The following SUPT16H variants were observed in gnomAD, a reference collection of about 807,000 sequenced individuals.
SUPT16H encodes the protein FACT complex subunit SPT16.
In SUPT16H, 24 loss-of-function variants were observed where a neutral mutation model predicts 136.2. That is an observed-to-expected ratio of 0.18 (90% CI 0.13 to 0.25). The LOEUF (loss-of-function observed/expected upper bound fraction) is 0.25, where lower values mean the gene tolerates loss of function less well. SUPT16H is among the 10% of genes least tolerant of loss of function. SUPT16H has a pLI of 1.00. For missense variants in SUPT16H, 623 were observed against 1,270.2 expected, an observed-to-expected ratio of 0.49 and a Z score of 7.74; for synonymous variants, 415 against 428.2, an observed-to-expected ratio of 0.97 and a Z score of 0.38.
chr14:21,368,565 A>C, intron 6 of SUPT16H, 124 bp from the exon 7 acceptor site: 2 of 1,111,524 alleles, frequency 1.8e-6, no homozygotes, highest in Non-Finnish European at 2.4e-6. Flanking sequence ...TGGCTGAATA[A>C]GGACCTAAAC....
intron 1 of SUPT16H, among the ~76,000 whole-genome samples, chr14:21,375,262 C>CA (rs1054553750): frequency 1.3e-5 from 2 of 151,678 alleles, no homozygotes; most frequent in African/African-American, 2.4e-5. Flanking sequence ...GATCCGCCCC[C>CA]ACTTGGCCTC....
intron 22 of SUPT16H, among the ~76,000 whole-genome samples, chr14:21,355,828 TA>T (rs1255544582): frequency 1.8e-4 from 28 of 152,290 alleles, no homozygotes. Context: ...ACCACTGGCA[TA>T]AATCCACTTT....
chr14:21,377,516 T>C (rs1419550807), intron 1 of SUPT16H, among the ~76,000 whole-genome samples: 1 of 151,894 alleles, frequency 6.6e-6, no homozygotes, highest in Non-Finnish European at 1.5e-5. Flanking sequence ...TAACCAAAAG[T>C]GAGGGCAAAC....
At chr14:21,374,674 G>GCTGAATAT (rs1886863016) in intron 1 of SUPT16H, among the ~76,000 whole-genome samples, 1 of 152,052 alleles carries the variant, frequency 6.6e-6, no homozygotes, top group African/African-American at 2.4e-5. Context: ...CCCTTTTACT[G>GCTGAATAT]CTGAATATTT....
At chr14:21,383,250 C>CGTTTT (rs954479781) in intron 1 of SUPT16H, 3 of 214,142 alleles carry the variant, frequency 1.4e-5, no homozygotes, top group African/African-American at 2.3e-5. Context: ...TTTTAGGCAT[C>CGTTTT]GTTTTGTTTT....
At chr14:21,355,322 G>A (rs972702567) in intron 22 of SUPT16H, among the ~76,000 whole-genome samples, 1 of 151,700 alleles carries the variant, frequency 6.6e-6, no homozygotes, top group African/African-American at 2.4e-5. Flanking sequence ...GTGAAACCCC[G>A]TCCTACTAAA....
chr14:21,358,501 C>T (rs1486733825), intron 19 of SUPT16H, 74 bp from the exon 20 acceptor site: 12 of 1,031,642 alleles, frequency 1.2e-5, no homozygotes, highest in Non-Finnish European at 1.7e-5. Flanking sequence ...GTCTGAAGTG[C>T]TTTTGTGCTT....
chr14:21,371,511 A>C (rs1886784970), intron 3 of SUPT16H, among the ~76,000 whole-genome samples: 1 of 152,242 alleles, frequency 6.6e-6, no homozygotes, highest in Non-Finnish European at 1.5e-5. Flanking sequence ...GGGCAGTATG[A>C]CAAAAAAAAT....
intron 7 of SUPT16H, among the ~76,000 whole-genome samples, chr14:21,367,495 G>T (rs1886697266): frequency 6.6e-6 from 1 of 152,108 alleles, no homozygotes; most frequent in Non-Finnish European, 1.5e-5. Context: ...GCCTCAGAGG[G>T]ATCTTTATCT....
chr14:21,374,692 T>C (rs1886863275), intron 1 of SUPT16H, among the ~76,000 whole-genome samples: 1 of 152,244 alleles, frequency 6.6e-6, no homozygotes, highest in African/African-American at 2.4e-5. Context: ...TTTCATTGTG[T>C]AGATATACCA....
chr14:21,359,436 C>T lies in SUPT16H; in HGVS notation c.2301+48G>A, dbSNP rs374579944. The T allele has an allele frequency of 2.2e-5, 35 of 1,596,260 alleles. No individual in the cohort carries two copies. The East Asian group carries it at 2.7e-4, about 12-fold the overall frequency. ...TACAATCCCTGAGCTTGGATTTGGC[C>T]TCATCCTCCCTCACTATCCTGCAAA... On this transcript the variant is annotated intron_variant, in intron 19 of 25. Coordinates refer to ENST00000216297, the MANE Select transcript of SUPT16H (RefSeq NM_007192.4).
At chr14:21,363,825 C>T (rs1057307438) in intron 10 of SUPT16H, among the ~76,000 whole-genome samples, 5 of 152,006 alleles carry the variant, frequency 3.3e-5, no homozygotes, top group East Asian at 3.9e-4. Flanking sequence ...ATTACAGACG[C>T]GCACCACCAC....
At chr14:21,362,492 CA>C (rs1886577327) in intron 14 of SUPT16H, among the ~76,000 whole-genome samples, 168 bp from the exon 15 acceptor site, 1 of 151,950 alleles carries the variant, frequency 6.6e-6, no homozygotes, top group Non-Finnish European at 1.5e-5. Context: ...ATCCTTTTCC[CA>C]AAAAAATCTC....
chr14:21,369,822 T>A lies in SUPT16H; in HGVS notation c.558A>T (p.Ala186=). 1.9e-6 allele frequency: 3 copies of A among 1,614,222 alleles called. No homozygotes were observed. Among genetic ancestry groups the A allele is most frequent in the Non-Finnish European group, 2.5e-6 (3 of 1,180,028 alleles). ...EDGELNLMKK[A]ASITSEVFNK... is the part of the protein sequence containing the mutation. ...TGAAGACTTCAGAAGTGATGCTGGC[T>A]GCTTTCTTCATTAGGTTGAGCTCCC... The change falls in exon 5 of 26, where the codon GCA becomes GCT. Residue 186 remains alanine, a synonymous_variant. Coordinates refer to ENST00000216297, the MANE Select transcript of SUPT16H (RefSeq NM_007192.4).
chr14:21,374,931 T>C (rs780289448), intron 1 of SUPT16H, among the ~76,000 whole-genome samples: 5 of 152,238 alleles, frequency 3.3e-5, no homozygotes, highest in Non-Finnish European at 5.9e-5. Flanking sequence ...TAAGAATGTA[T>C]CAAGGTTCCA....
At position 21,365,159 on chromosome 14, in the gene SUPT16H, T is replaced by C; in HGVS notation, c.1047-16A>G. 1 of 1,610,780 alleles carries C rather than the reference T, an allele frequency of 6.2e-7. No individual in the cohort carries two copies. Among genetic ancestry groups the C allele is most frequent in the African/African-American group, 1.3e-5 (1 of 74,980 alleles). On this transcript the variant is annotated splice_polypyrimidine_tract_variant and intron_variant, in intron 8 of 25. Transcript: ENST00000216297. The stretch of plus-strand genomic sequence containing the variant: ...CATCCCAAACCTGAAAAGAAACAGA[T>C]AAACATCAGCAAAAGGCTAAAGATC...
chr14:21,357,045 T>C (rs948116941), intron 22 of SUPT16H, 152 bp downstream of exon 22: 4 of 659,728 alleles, frequency 6.1e-6, no homozygotes, highest in Middle Eastern at 4.6e-4. Flanking sequence ...CGTTATCTAA[T>C]AGATCTCAAG....
chr14:21,353,533 C>T lies in SUPT16H; in HGVS notation c.2953G>A (p.Glu985Lys). 6.2e-7 allele frequency: 1 copy of T among 1,614,150 alleles called. No individual in the cohort carries two copies. The highest frequency in any genetic ancestry group is 8.5e-7 in the Non-Finnish European group (1 of 1,180,018). Reference sequence around the variant, plus strand: ...AGTTCATCCCAATCCTTTCCACTCTCTTCTTCACTACCCAATGACTCCTTA... The same window carrying T: ...AGTTCATCCCAATCCTTTCCACTCTTTTCTTCACTACCCAATGACTCCTTA... ...YSKESLGSEE[E>K]SGKDWDELEE... Residue 985 changes from glutamate to lysine, a missense_variant, in exon 25 of 26, where the codon GAG becomes AAG. Coordinates refer to ENST00000216297, the MANE Select transcript of SUPT16H (RefSeq NM_007192.4).
At chr14:21,383,752 C>A (rs1028460573) in intron 1 of SUPT16H, 110 bp downstream of exon 1, 2 of 1,276,110 alleles carry the variant, frequency 1.6e-6, no homozygotes, top group Non-Finnish European at 2.3e-6. Flanking sequence ...AAGGGTGAGG[C>A]ACAGAACCCG....
Sources: allele counts gnomAD v4.1 joint callset (sites outside exome capture counted in the v4.1 genomes callset), GRCh38; gene constraint gnomAD v4.1.1; transcripts MANE v1.5; gene names NCBI Gene and HGNC (gene_info 2026-07-23, HGNC 2026-07-21).